Variants in BCCIP observed in about 807,000 individuals in gnomAD.
The protein encoded by BCCIP is BRCA2 and CDKN1A-interacting protein.
Under a neutral mutation model 32.8 loss-of-function variants are expected in BCCIP, and 23 were observed. The observed-to-expected ratio is 0.70, with a 90% confidence interval of 0.51 to 0.99. BCCIP has a LOEUF of 0.99. Among genes scored for constraint, BCCIP ranks in the 50% least tolerant of loss-of-function variants. BCCIP has a pLI of 0.00. For synonymous variants in BCCIP, 144 were observed against 137.6 expected (o/e 1.05, Z -0.33); for missense variants, 378 against 379.8 (o/e 1.00, Z 0.04).
At chr10:125,852,396 C>T in intron 7 of BCCIP, 2 of 1,614,202 alleles carry the variant, frequency 1.2e-6, no homozygotes, top group Non-Finnish European at 1.7e-6. Flanking sequence ...CTGCTGGCTT[C>T]AGTGGCGTCA....
intron 1 of BCCIP, among the ~76,000 whole-genome samples, chr10:125,824,456 C>A (rs148402736): frequency 6.6e-6 from 1 of 152,080 alleles, no homozygotes; most frequent in Non-Finnish European, 1.5e-5. Context: ...TAATTCATGC[C>A]CCTCTCTTAA....
chr10:125,842,023 A>G (rs1017799612), exon 7 of BCCIP: 12 of 1,398,470 alleles, frequency 8.6e-6, no homozygotes, highest in South Asian at 4.9e-5. Flanking sequence ...GCATGAAACA[A>G]GCAAACAATG....
chr10:125,843,505 G>A (rs1020274404), downstream of BCCIP, among the ~76,000 whole-genome samples: 9 of 152,048 alleles, frequency 5.9e-5, no homozygotes, highest in African/African-American at 1.2e-4. Context: ...CCAGCTACTC[G>A]GGAGGTTGAG....
downstream of BCCIP, chr10:125,836,803 T>TTTCA: frequency 6.2e-7 from 1 of 1,614,170 alleles, no homozygotes; most frequent in Non-Finnish European, 8.5e-7. Flanking sequence ...ATGTCCTTAC[T>TTTCA]TTCACTAGGA....
chr10:125,825,953 G>A (rs1854380104), intron 1 of BCCIP: 1 of 152,966 alleles, frequency 6.5e-6, no homozygotes, highest in African/African-American at 2.4e-5. Context: ...TAGGGCCTTA[G>A]TTTGTGCTGT....
In BCCIP at chr10:125,836,455, TGA is replaced by T; in HGVS notation, c.*183_*184del. The T allele has an allele frequency of 7.1e-7, 1 of 1,415,640 alleles. No homozygotes were observed. Among genetic ancestry groups the T allele is most frequent in the Non-Finnish European group, 9.2e-7 (1 of 1,089,304 alleles). 87.7% of individuals were successfully genotyped at this position (1,415,640 alleles called of 1,614,324 possible). On this transcript the variant is annotated 3_prime_UTR_variant, in exon 7 of 7. Transcript: ENST00000278100. ...GTTTTTTAAAATTTTGGTCAAATTA[TGA>T]GTGGTTGATTTAAAAACTTTTCCAA...
At chr10:125,836,920 A>G (rs1165512840), downstream of BCCIP, 8 of 1,424,262 alleles carry the variant, frequency 5.6e-6, no homozygotes, top group African/African-American at 2.8e-5. Flanking sequence ...ACCAAACATT[A>G]TGTCTGGGCA....
chr10:125,823,563 G>C lies in BCCIP; in HGVS notation c.6G>C (p.Ala2=). 1 of 1,613,722 alleles carries C rather than the reference G, an allele frequency of 6.2e-7. No individual in the cohort carries two copies. The highest frequency in any genetic ancestry group is 1.1e-5 in the South Asian group (1 of 91,056). The change falls in exon 1 of 7, where the codon GCG becomes GCC. Residue 2 remains alanine, a synonymous_variant. Coordinates refer to ENST00000278100, the MANE Select transcript of BCCIP (RefSeq NM_078468.3). M[A]SRSKRRAVES... is the part of the protein sequence containing the mutation. ...GGCGCAGTGTGAGCGGCAACATGGC[G>C]TCCAGGTCTAAGCGGCGTGCCGTGG...
chr10:125,839,094 C>G, downstream of BCCIP: 1 of 1,614,230 alleles, frequency 6.2e-7, no homozygotes, highest in Non-Finnish European at 8.5e-7. Flanking sequence ...GCTCGATTCG[C>G]TTGATAATTT....
At chr10:125,825,049 C>T (rs1404921524) in intron 1 of BCCIP, among the ~76,000 whole-genome samples, 3 of 152,262 alleles carry the variant, frequency 2.0e-5, no homozygotes, top group African/African-American at 7.2e-5. Context: ...TGAATGCCAT[C>T]TCACCATTTT....
Position 125,853,318 on chromosome 10 carries a change from A to G in BCCIP, c.*75A>G, listed in dbSNP as rs1222906697. On this transcript the variant is annotated 3_prime_UTR_variant, in exon 8 of 8. Transcript: ENST00000368759. ...TCTCGGCACCTAGTAATGGTAAATTAGTCAATATTTGTTAGTTTCGTTTGA... is the reference window on the plus strand; with the variant it reads ...TCTCGGCACCTAGTAATGGTAAATTGGTCAATATTTGTTAGTTTCGTTTGA... 8.5e-6 allele frequency: 7 copies of G among 826,000 alleles called. No homozygotes were observed. In the South Asian group the frequency reaches 1.8e-4, roughly 21 times the overall value. The allele number at this position is 826,000 out of a possible 1,614,324, so 51.2% of individuals were successfully genotyped here.
downstream of BCCIP, chr10:125,836,775 T>C: frequency 6.2e-7 from 1 of 1,614,144 alleles, no homozygotes; most frequent in Non-Finnish European, 8.5e-7. Context: ...GGATAGGTGA[T>C]CCACTACTTG....
At chr10:125,831,297 C>T (rs748325711) in intron 4 of BCCIP, 123 bp from the exon 5 acceptor site, 14 of 860,714 alleles carry the variant, frequency 1.6e-5, no homozygotes, top group East Asian at 5.0e-5. Context: ...ACATACAAGA[C>T]GTTAAGGCTA....
downstream of BCCIP, chr10:125,839,026 G>A (rs1854788142): frequency 6.2e-7 from 1 of 1,613,992 alleles, no homozygotes; most frequent in African/African-American, 1.3e-5. Flanking sequence ...GGACAGAAGA[G>A]CTTTCTTTAT....
chr10:125,827,552 T>G lies in BCCIP; in HGVS notation c.241-6T>G, dbSNP rs1201387362. 2 of 1,595,534 alleles carry G rather than the reference T, an allele frequency of 1.3e-6. No homozygotes were observed. The highest frequency in any genetic ancestry group is 1.7e-5 in the Admixed American group (1 of 58,876). On this transcript the variant is annotated splice_polypyrimidine_tract_variant and splice_region_variant and intron_variant, in intron 2 of 6. Transcript: ENST00000278100. ...TTAATTTAAAATAATTTTTTCCTCCTTTTAGCTTTTTCTAAAGGCTCCTGT... is the reference window on the plus strand; with the variant it reads ...TTAATTTAAAATAATTTTTTCCTCCGTTTAGCTTTTTCTAAAGGCTCCTGT...
downstream of BCCIP, chr10:125,838,239 T>G (rs747732972): frequency 6.2e-7 from 1 of 1,611,852 alleles, no homozygotes; most frequent in Non-Finnish European, 8.5e-7. Context: ...AATCCTGATG[T>G]AGTTGTTCTC....
intron 7 of BCCIP, chr10:125,852,182 C>T (rs1944099225): frequency 3.0e-6 from 4 of 1,345,548 alleles, no homozygotes; most frequent in Admixed American, 5.2e-5. Flanking sequence ...AACCAACGCC[C>T]CCTCCATGCT....
At chr10:125,845,109 C>T (rs1589705669), downstream of BCCIP, among the ~76,000 whole-genome samples, 2 of 152,204 alleles carry the variant, frequency 1.3e-5, no homozygotes, top group Admixed American at 6.5e-5. Context: ...GCGCTAACTC[C>T]AAGCTGAGCA....
rs1235783615 is a variant in BCCIP at position 125,836,289 on chromosome 10, A to G, written c.*15A>G. On this transcript the variant is annotated 3_prime_UTR_variant, in exon 7 of 7. Transcript: ENST00000278100. The stretch of plus-strand genomic sequence containing the variant: ...TATCTGTCTAACCCATTTCCAATGG[A>G]CAGTGATGGGCTTGTTTTTGTAAAA... 1.2e-6 allele frequency: 2 copies of G among 1,614,030 alleles called. No homozygotes were observed. Among genetic ancestry groups the G allele is most frequent in the Non-Finnish European group, 8.5e-7 (1 of 1,180,010 alleles).
Sources: allele counts gnomAD v4.1 joint callset (sites outside exome capture counted in the v4.1 genomes callset), GRCh38; gene constraint gnomAD v4.1.1; transcripts MANE v1.5; gene names NCBI Gene and HGNC (gene_info 2026-07-23, HGNC 2026-07-21).